Variants in ZNF607 observed in about 807,000 individuals in gnomAD.
ZNF607 encodes the protein zinc finger protein 607.
Under a neutral mutation model 12.8 loss-of-function variants are expected in ZNF607, and 5 were observed. That is an observed-to-expected ratio of 0.39 (90% CI 0.20 to 0.82). The LOEUF is 0.82. Ranked by LOEUF, ZNF607 falls within the 40% of genes least tolerant of loss-of-function variation. The pLI, the probability that ZNF607 is intolerant of heterozygous loss-of-function variation, is 0.39. For synonymous variants in ZNF607, 287 were observed against 276.2 expected, an observed-to-expected ratio of 1.04 and a Z score of -0.39; for missense variants, 851 against 859.2, an observed-to-expected ratio of 0.99 and a Z score of 0.12.
intron 1 of ZNF607, among the ~76,000 whole-genome samples, chr19:37,715,375 G>A (rs1354711909): frequency 6.6e-6 from 1 of 151,588 alleles, no homozygotes; most frequent in Non-Finnish European, 1.5e-5. Flanking sequence ...AGCACTACAG[G>A]AGGCTGAGGC....
rs1568402693 is a variant in ZNF607 at position 37,698,913 on chromosome 19, T to C, written c.1218A>G (p.Ser406=). The change falls in exon 5 of 5, where the codon TCA becomes TCG. Residue 406 remains serine (S), a synonymous_variant. Transcript: ENST00000355202. ...NKCGKSFRLN[S]SLKIHQNIHT... ...GAATATTTTGATGTATTTTAAGGGA[T>C]GAATTGAGCCTAAAGGACTTCCCAC... The C allele has an allele frequency of 3.1e-6, 5 of 1,613,998 alleles. No individual in the cohort carries two copies. Among genetic ancestry groups the C allele is most frequent in the Non-Finnish European group, 4.2e-6 (5 of 1,179,972 alleles).
In ZNF607 at chr19:37,699,357, A is replaced by G. The variant is rs752312002; in HGVS notation, c.774T>C (p.Cys258=). 32 of 1,613,982 alleles carry G rather than the reference A, an allele frequency of 2.0e-5. No individual in the cohort carries two copies. Among genetic ancestry groups the G allele is most frequent in the Middle Eastern group, 3.3e-4 (2 of 6,084 alleles). Residue 258 remains cysteine (C), a synonymous_variant, in exon 5 of 5, where the codon TGT becomes TGC. Coordinates refer to ENST00000355202, the MANE Select transcript of ZNF607 (RefSeq NM_032689.5). Reference sequence around the variant, plus strand: ...CTGCTTTGAGCCTAAAGGACTTCCCACATTTGTTACATTCAAAGGGCTTCT... The same window carrying G: ...CTGCTTTGAGCCTAAAGGACTTCCCGCATTTGTTACATTCAAAGGGCTTCT... ...TGEKPFECNK[C]GKSFRLKAGL...
Position 37,709,847 on chromosome 19 carries a change from C to T in ZNF607, c.10-25G>A, listed in dbSNP as rs148288082. ...CCTGAAACAGCAAACCCATGTATTA[C>T]TGGGGAAATTCCAAAATGGAGTGGA... On this transcript the variant is annotated intron_variant, in intron 2 of 4. Coordinates refer to ENST00000355202, the MANE Select transcript of ZNF607 (RefSeq NM_032689.5). 1.8e-4 allele frequency: 293 copies of T among 1,605,576 alleles called. 1 individual carries two copies. The African/African-American group carries it at 3.4e-3, about 18-fold the overall frequency.
chr19:37,702,487 G>C (rs1052617966), intron 4 of ZNF607, among the ~76,000 whole-genome samples: 2 of 152,058 alleles, frequency 1.3e-5, no homozygotes, highest in Non-Finnish European at 2.9e-5. Flanking sequence ...TTAATGCCAA[G>C]TAAGATATGT....
chr19:37,706,093 C>G (rs562130532), intron 4 of ZNF607, among the ~76,000 whole-genome samples: 1 of 151,918 alleles, frequency 6.6e-6, no homozygotes, highest in Non-Finnish European at 1.5e-5. Flanking sequence ...GCTCGAGAGG[C>G]GGAGGCAGGA....
chr19:37,710,911 C>T (rs921036520), intron 2 of ZNF607, among the ~76,000 whole-genome samples: 36 of 152,022 alleles, frequency 2.4e-4, no homozygotes, highest in Admixed American at 6.5e-5. Flanking sequence ...GCAACAATAG[C>T]GCATCTGACT....
intron 1 of ZNF607, among the ~76,000 whole-genome samples, chr19:37,715,078 T>G (rs1599670129): frequency 2.0e-5 from 3 of 151,900 alleles, no homozygotes; most frequent in African/African-American, 7.2e-5. Flanking sequence ...GGCTAATTTT[T>G]TGTACTTTTA....
In ZNF607 at chr19:37,697,017, G is replaced by A. The variant is rs968068281; in HGVS notation, c.*1023C>T. On this transcript the variant is annotated 3_prime_UTR_variant, in exon 5 of 5. Coordinates refer to ENST00000355202, the MANE Select transcript of ZNF607 (RefSeq NM_032689.5). ...TCCAGCATCAAAGCGAGCCACCAGT[G>A]ACTTGAGGATCTCCGTGGTAATGAA... is the stretch of plus-strand genomic sequence containing the variant. 2.8e-6 allele frequency: 2 copies of A among 722,172 alleles called. No homozygotes were observed. The highest frequency in any genetic ancestry group is 5.1e-6 in the Non-Finnish European group (2 of 389,696). 44.7% of individuals were successfully genotyped at this position (722,172 alleles called of 1,614,324 possible).
At position 37,697,769 on chromosome 19, in the gene ZNF607, C is replaced by A; in HGVS notation, c.*271G>T. 3.0e-6 allele frequency: 1 copy of A among 335,354 alleles called. No homozygotes were observed. The highest frequency in any genetic ancestry group is 5.4e-6 in the Non-Finnish European group (1 of 185,378). The allele number at this position is 335,354 out of a possible 1,614,324, so 20.8% of individuals were successfully genotyped here. A position where few individuals can be genotyped will look rare whatever the true frequency, so the allele number is the denominator to read the frequency against. On this transcript the variant is annotated 3_prime_UTR_variant, in exon 5 of 5. Coordinates refer to ENST00000355202, the MANE Select transcript of ZNF607 (RefSeq NM_032689.5). Reference sequence around the variant, plus strand: ...CTCTACTGTGAATATTTTGGCAATCCAAAACTAGAGGAATATCAGAAAAGT... The same window carrying A: ...CTCTACTGTGAATATTTTGGCAATCAAAAACTAGAGGAATATCAGAAAAGT...
Position 37,698,494 on chromosome 19 carries a change from G to T in ZNF607, c.1637C>A (p.Ser546Tyr), listed in dbSNP as rs1479276405. 1 of 1,613,922 alleles carries T rather than the reference G, an allele frequency of 6.2e-7. No individual in the cohort carries two copies. Among genetic ancestry groups the T allele is most frequent in the Admixed American group, 1.7e-5 (1 of 59,976 alleles). ...AATATTCTGATGGGCTTTAAGTACAGAAATGAACCTAAAAGACTTCCCGCA... is the reference window on the plus strand; with the variant it reads ...AATATTCTGATGGGCTTTAAGTACATAAATGAACCTAAAAGACTTCCCGCA... ...NKCGKSFRFI[S>Y]VLKAHQNIHS... Residue 546 changes from serine to tyrosine, a missense_variant, in exon 5 of 5, where the codon TCT (serine) becomes TAT (tyrosine). Physicochemically the swap from Ser to Tyr is moderately radical, Grantham distance 144 (BLOSUM62 -2). Coordinates refer to ENST00000355202, the MANE Select transcript of ZNF607 (RefSeq NM_032689.5).
At chr19:37,708,732 C>T (rs2045107249) in intron 3 of ZNF607, among the ~76,000 whole-genome samples, 1 of 151,500 alleles carries the variant, frequency 6.6e-6, no homozygotes. Flanking sequence ...CCTCTAATCC[C>T]AGCTACTAAG....
intron 1 of ZNF607, among the ~76,000 whole-genome samples, chr19:37,715,158 A>G (rs1417259931): frequency 6.6e-6 from 1 of 151,758 alleles, no homozygotes; most frequent in Non-Finnish European, 1.5e-5. Flanking sequence ...TGCCCACCTC[A>G]GCCTCCCAAA....
At chr19:37,716,810 A>G (rs2045179925) in intron 1 of ZNF607, among the ~76,000 whole-genome samples, 1 of 152,242 alleles carries the variant, frequency 6.6e-6, no homozygotes, top group Non-Finnish European at 1.5e-5. Context: ...GTAATAAACT[A>G]TTTCTAAAAG....
intron 4 of ZNF607, among the ~76,000 whole-genome samples, chr19:37,702,646 T>A (rs1443406713): frequency 6.6e-6 from 1 of 152,126 alleles, no homozygotes; most frequent in Non-Finnish European, 1.5e-5. Context: ...ATGATGTAAA[T>A]AAAATAATTT....
At position 37,699,305 on chromosome 19, in the gene ZNF607, T is replaced by TATGA. The variant is rs763033506; in HGVS notation, c.822_825dup (p.Thr276SerfsTer8). 6.8e-6 allele frequency: 11 copies of TATGA among 1,613,892 alleles called. No individual in the cohort carries two copies. The highest frequency in any genetic ancestry group is 1.1e-5 in the South Asian group (1 of 91,066). ...TTACATTCATGTGGCTTCTCTCCAG[T>TATGA]ATGAATACTCTGATGTACTTTAAGG... On this transcript the variant is annotated frameshift_variant, in exon 5 of 5. Coordinates refer to ENST00000355202, the MANE Select transcript of ZNF607 (RefSeq NM_032689.5). LOFTEE classifies it low-confidence loss of function (END_TRUNC).
chr19:37,712,391 G>GT (rs1287885700), intron 1 of ZNF607, among the ~76,000 whole-genome samples: 1 of 152,114 alleles, frequency 6.6e-6, no homozygotes, highest in East Asian at 1.9e-4. Flanking sequence ...TGCACCTGTA[G>GT]TCCCAGCTAC....
chr19:37,714,754 T>G (rs1310055787), intron 1 of ZNF607, among the ~76,000 whole-genome samples: 1 of 152,048 alleles, frequency 6.6e-6, no homozygotes, highest in African/African-American at 2.4e-5. Flanking sequence ...ACGAGACAGT[T>G]CTGAAGATTA....
chr19:37,699,834 T>C lies in ZNF607; in HGVS notation c.297A>G (p.Ser99=). 1 of 1,612,876 alleles carries C rather than the reference T, an allele frequency of 6.2e-7. No individual in the cohort carries two copies. The highest frequency in any genetic ancestry group is 8.5e-7 in the Non-Finnish European group (1 of 1,179,548). ...GAATTCTCTGATGGAGAGTAACACA[T>C]GAGTGTTTCCTATAAAGCTGCATTT... is the stretch of plus-strand genomic sequence containing the variant. ...DGKMQLYRKH[S]CVTLHQRIHN... Residue 99 remains serine (S), a synonymous_variant, in exon 5 of 5, where the codon TCA becomes TCG. Coordinates refer to ENST00000355202, the MANE Select transcript of ZNF607 (RefSeq NM_032689.5).
chr19:37,701,615 A>G (rs2045039366), intron 4 of ZNF607, among the ~76,000 whole-genome samples: 2 of 152,218 alleles, frequency 1.3e-5, no homozygotes, highest in Admixed American at 6.5e-5. Context: ...CCATTGCTCC[A>G]TCGGTGAAAG....
Sources: allele counts gnomAD v4.1 joint callset (sites outside exome capture counted in the v4.1 genomes callset), GRCh38; gene constraint gnomAD v4.1.1; transcripts MANE v1.5; gene names NCBI Gene and HGNC (gene_info 2026-07-23, HGNC 2026-07-21).